The following CELF2 variants were observed in gnomAD, a reference collection of about 807,000 sequenced individuals.
CELF2 encodes the protein CUG triplet repeat RNA-binding protein 2.
A neutral mutation model predicts 62.6 loss-of-function variants in CELF2; 8 were observed. That is an observed-to-expected ratio of 0.13 (90% CI 0.07 to 0.23). CELF2 has a LOEUF of 0.23. Among genes scored for constraint, CELF2 ranks in the 10% least tolerant of loss-of-function variants. The pLI is 1.00. For synonymous variants in CELF2, 258 were observed against 250.0 expected (o/e 1.03, Z -0.30); for missense variants, 333 against 671.0 (o/e 0.50, Z 5.56).
intron 1 of CELF2, among the ~76,000 whole-genome samples, chr10:10,915,914 T>G (rs6602465): frequency 0.082 from 12,471 of 152,238 alleles, 1,096 homozygotes; most frequent in African/African-American, 0.22. Context: ...TAATGAATAT[T>G]TTGCATGAAT....
Position 11,191,242 on chromosome 10 carries a change from A to G in CELF2, c.271+25560A>G, listed in dbSNP as rs1365305932. Among the ~76,000 whole-genome samples, 1 of 152,124 alleles carries G rather than the reference A, an allele frequency of 6.6e-6. No homozygotes were observed. The highest frequency in any genetic ancestry group is 1.5e-5 in the Non-Finnish European group (1 of 68,022). On this transcript the variant is annotated intron_variant, in intron 2 of 12. Transcript: ENST00000633077. This position sits in a 1 kb window ranked among gnomAD's most constrained non-coding sequence, Gnocchi z 4.1. ...AGCTTTACAGAGAGGCTTCCTACTTAGATGGTTCTCTCTAGCTATGGGGCT... is the reference window on the plus strand; with the variant it reads ...AGCTTTACAGAGAGGCTTCCTACTTGGATGGTTCTCTCTAGCTATGGGGCT...
rs2065773257 is a variant in CELF2, at chr10:10,928,599, C to T, written c.89+8600C>T. Among the ~76,000 whole-genome samples the T allele has an allele frequency of 6.6e-6, 1 of 152,048 alleles. No homozygotes were observed. The highest frequency in any genetic ancestry group is 2.1e-4 in the South Asian group (1 of 4,824). On this transcript the variant is annotated intron_variant, in intron 2 of 13. Transcript: ENST00000636488. This position sits in a 1 kb window ranked among gnomAD's most constrained non-coding sequence, Gnocchi z 4.8. ...GTAGCTGTGGCAGAGACGGTATAGCCCCCAAACTGAAAATATTTACTGTTT... is the reference window on the plus strand; with the variant it reads ...GTAGCTGTGGCAGAGACGGTATAGCTCCCAAACTGAAAATATTTACTGTTT...
At chr10:10,703,356 C>T in the CELF2 span, among the ~76,000 whole-genome samples, 12 of 152,316 alleles carry the variant, frequency 7.9e-5, no homozygotes, top group African/African-American at 2.9e-4. Context: ...GCCAGGCATG[C>T]TGATTCCAGG....
chr10:10,523,212 TC>T, the CELF2 span, among the ~76,000 whole-genome samples: 3 of 152,198 alleles, frequency 2.0e-5, no homozygotes, highest in Non-Finnish European at 4.4e-5. Context: ...CTTGATAAGC[TC>T]CACACAGTGA....
rs1056905262 is a variant in CELF2 at position 11,110,841 on chromosome 10, G to A, written c.75-54645G>A. Among the ~76,000 whole-genome samples the A allele has an allele frequency of 2.6e-5, 4 of 152,126 alleles. No homozygotes were observed. The highest frequency in any genetic ancestry group is 6.5e-5 in the Admixed American group (1 of 15,276). On this transcript the variant is annotated intron_variant, in intron 1 of 12. Transcript: ENST00000633077. This position sits in a 1 kb window ranked among gnomAD's most constrained non-coding sequence, Gnocchi z 4.0. ...TTAACCACCACCTCATTTCATGCCC[G>A]AGAGCTTGGAAGCCTAGACCCCCAC...
At chr10:11,116,394 A>G (rs1321333687) in intron 1 of CELF2, among the ~76,000 whole-genome samples, 1 of 152,236 alleles carries the variant, frequency 6.6e-6, no homozygotes, top group Non-Finnish European at 1.5e-5. Flanking sequence ...AAGCCTGTGC[A>G]TGTTCACACA....
rs1461887073 is a variant in CELF2, at chr10:11,165,307, A to G, written c.75-179A>G. The G allele has an allele frequency of 2.1e-6, 3 of 1,404,798 alleles. No homozygotes were observed. The East Asian group carries it at 8.1e-5, about 38-fold the overall frequency. 87.0% of individuals were successfully genotyped at this position (1,404,798 alleles called of 1,614,324 possible). A position where few individuals can be genotyped will look rare whatever the true frequency, so the allele number is the denominator to read the frequency against. Reference sequence around the variant, plus strand: ...AGTGAGAGCCTCGCCGCCGCCGAGGAGCAACTCATGGTGCCTCCGCTTTGT... The same window carrying G: ...AGTGAGAGCCTCGCCGCCGCCGAGGGGCAACTCATGGTGCCTCCGCTTTGT... On this transcript the variant is annotated intron_variant, in intron 1 of 12. Coordinates refer to ENST00000633077, the MANE Select transcript of CELF2 (RefSeq NM_001326342.2). The surrounding 1 kb of genome is among the most constrained non-coding windows in gnomAD (Gnocchi z 7.4).
intron 1 of CELF2, among the ~76,000 whole-genome samples, chr10:11,131,790 G>A (rs558664063): frequency 6.6e-6 from 1 of 152,322 alleles, no homozygotes; most frequent in East Asian, 1.9e-4. Flanking sequence ...AAAAGAGAGG[G>A]TTCAGTGGTG....
chr10:10,814,786 A>G (rs1363637673), intron 1 of CELF2, among the ~76,000 whole-genome samples: 3 of 152,212 alleles, frequency 2.0e-5, no homozygotes. Context: ...TTTAGGAACT[A>G]TCTCCAATTA....
At chr10:10,648,712 G>A in the CELF2 span, among the ~76,000 whole-genome samples, 18 of 152,180 alleles carry the variant, frequency 1.2e-4, no homozygotes, top group South Asian at 2.1e-3. Context: ...AATATTTTAC[G>A]GTTTGGTAAT....
At chr10:11,212,250 A>G (rs1451958259) in intron 2 of CELF2, among the ~76,000 whole-genome samples, 1 of 152,124 alleles carries the variant, frequency 6.6e-6, no homozygotes, top group Non-Finnish European at 1.5e-5. Context: ...GAAATGGGGA[A>G]CCAGGGCTTT....
intron 5 of CELF2, among the ~76,000 whole-genome samples, chr10:11,263,055 G>C (rs1381668146): frequency 7.2e-6 from 1 of 139,372 alleles, no homozygotes; most frequent in Non-Finnish European, 1.5e-5. Flanking sequence ...CCTTTCAATT[G>C]AAATGACAAG....
intron 1 of CELF2, among the ~76,000 whole-genome samples, chr10:11,091,799 ATCT>A (rs1402273641): frequency 6.6e-6 from 1 of 152,230 alleles, no homozygotes; most frequent in African/African-American, 2.4e-5. Context: ...CACTGTCAAA[ATCT>A]TCTCCAAGTT....
the CELF2 span, among the ~76,000 whole-genome samples, chr10:10,575,901 C>T: frequency 7.9e-5 from 12 of 152,250 alleles, no homozygotes; most frequent in South Asian, 2.5e-3. Flanking sequence ...AATCCTTGAC[C>T]CCTGGCAAGG....
intron 1 of CELF2, among the ~76,000 whole-genome samples, chr10:10,814,190 A>G (rs568432725): frequency 7.1e-6 from 1 of 141,324 alleles, no homozygotes; most frequent in South Asian, 2.4e-4. Flanking sequence ...GAACAAGAGA[A>G]GGAAGAAAGG....
the CELF2 span, among the ~76,000 whole-genome samples, chr10:10,650,077 T>A: frequency 6.6e-6 from 1 of 152,218 alleles, no homozygotes; most frequent in Non-Finnish European, 1.5e-5. Flanking sequence ...TTCAGACTAT[T>A]TGATGCTCCG....
At position 11,280,235 on chromosome 10, in the gene CELF2, G is replaced by A. The variant is rs1459489254; in HGVS notation, c.841+5115G>A. On this transcript the variant is annotated intron_variant, in intron 8 of 12. Coordinates refer to ENST00000633077, the MANE Select transcript of CELF2 (RefSeq NM_001326342.2). This position sits in a 1 kb window ranked among gnomAD's most constrained non-coding sequence, Gnocchi z 7.6. ...TTCCGGATGAGCGGAAGTGAAGCCCGCTGTTAGTTCTGGGGAGGAATAAGG... is the reference window on the plus strand; with the variant it reads ...TTCCGGATGAGCGGAAGTGAAGCCCACTGTTAGTTCTGGGGAGGAATAAGG... Among the ~76,000 whole-genome samples, 2 of 152,142 alleles carry A rather than the reference G, an allele frequency of 1.3e-5. No individual in the cohort carries two copies. Among genetic ancestry groups the A allele is most frequent in the Admixed American group, 6.5e-5 (1 of 15,280 alleles).
chr10:11,160,777 C>T (rs2065544869), intron 1 of CELF2, among the ~76,000 whole-genome samples: 1 of 151,608 alleles, frequency 6.6e-6, no homozygotes, highest in South Asian at 2.1e-4. Flanking sequence ...AGTTTGCATT[C>T]TGAAGATGAC....
intron 2 of CELF2, among the ~76,000 whole-genome samples, chr10:10,953,791 T>C (rs1162152712): frequency 2.1e-5 from 3 of 145,586 alleles, no homozygotes; most frequent in Non-Finnish European, 4.5e-5. Context: ...AACTAAAATA[T>C]ACAGAACAAA....
Sources: allele counts gnomAD v4.1 joint callset (sites outside exome capture counted in the v4.1 genomes callset), GRCh38; gene constraint gnomAD v4.1.1; non-coding constraint Gnocchi (gnomAD v3.1); transcripts MANE v1.5; gene names NCBI Gene and HGNC (gene_info 2026-07-23, HGNC 2026-07-21).